The following MRRF variants were observed in gnomAD, a reference collection of about 807,000 sequenced individuals.
The protein encoded by MRRF is mitochondrial ribosome recycling factor, also known as ribosome-recycling factor, mitochondrial.
A neutral mutation model predicts 25.1 loss-of-function variants in MRRF; 18 were observed. The ratio of observed to expected loss-of-function variants is 0.72; its 90% CI spans 0.50 to 1.06. The LOEUF (loss-of-function observed/expected upper bound fraction) is 1.06, where lower values mean the gene tolerates loss of function less well. MRRF is among the 50% of genes least tolerant of loss of function. The probability of loss-of-function intolerance (pLI) is 0.00; values close to 1 mark genes in which losing one functional copy is unlikely to be tolerated. For synonymous variants in MRRF, 113 were observed against 112.1 expected, an observed-to-expected ratio of 1.01 and a Z score of -0.05; for missense variants, 323 against 319.3, an observed-to-expected ratio of 1.01 and a Z score of -0.09.
At position 122,331,078 on chromosome 9, in the gene MRRF, AG is replaced by A. The variant is rs1836271086; in HGVS notation, c.*8462del. 1 of 152,108 alleles carries A rather than the reference AG, an allele frequency of 6.6e-6. No individual in the cohort carries two copies. Among genetic ancestry groups the A allele is most frequent in the Non-Finnish European group, 1.5e-5 (1 of 68,030 alleles). 9.4% of individuals were successfully genotyped at this position (152,108 alleles called of 1,614,324 possible). ...AGTGAGAGCTTCTGGGTCCTGTCGCAGTTTTGCCCTTTCTTCCCTCAAAAAA... is the reference window on the plus strand; with the variant it reads ...AGTGAGAGCTTCTGGGTCCTGTCGCATTTTGCCCTTTCTTCCCTCAAAAAA... On this transcript the variant is annotated 3_prime_UTR_variant, in exon 7 of 7. Transcript: ENST00000344641.
chr9:122,319,147 CTTTTTTTTTTTTT>C (rs35949709), intron 6 of MRRF, among the ~76,000 whole-genome samples: 3 of 121,016 alleles, frequency 2.5e-5, no homozygotes, highest in Non-Finnish European at 5.3e-5. Context: ...TTCTTTCTTT[CTTTTTTTTTTTTT>C]TTTTTTTTGA....
At chr9:122,294,248 A>G (rs1258408387) in intron 5 of MRRF, among the ~76,000 whole-genome samples, 1 of 152,162 alleles carries the variant, frequency 6.6e-6, no homozygotes, top group Non-Finnish European at 1.5e-5. Flanking sequence ...GCTGATTTGG[A>G]TTCTTCTTAG....
intron 4 of MRRF, among the ~76,000 whole-genome samples, chr9:122,288,247 T>A (rs1833534464): frequency 2.0e-5 from 3 of 149,082 alleles, no homozygotes; most frequent in African/African-American, 4.9e-5. Flanking sequence ...TGAAAAAAAA[T>A]AAAAATAAAA....
At chr9:122,321,859 G>T (rs1424508295) in intron 6 of MRRF, among the ~76,000 whole-genome samples, 1 of 151,924 alleles carries the variant, frequency 6.6e-6, no homozygotes, top group East Asian at 1.9e-4. Context: ...GCTCATTAAG[G>T]AACAGATAAG....
At chr9:122,276,880 G>GT (rs551498344) in intron 2 of MRRF, among the ~76,000 whole-genome samples, 71 of 151,908 alleles carry the variant, frequency 4.7e-4, no homozygotes, top group Non-Finnish European at 9.4e-4. Flanking sequence ...CTTTTTTGTT[G>GT]TTTTTTGAGA....
chr9:122,315,583 C>A (rs932644410), intron 6 of MRRF, among the ~76,000 whole-genome samples: 8 of 152,288 alleles, frequency 5.3e-5, no homozygotes, highest in African/African-American at 1.9e-4. Context: ...TCTCTCTGCC[C>A]TCCTCCTTCC....
rs564465519 is a variant in MRRF, at chr9:122,315,088, G to A, written c.711+1702G>A. 5.9e-5 allele frequency among the ~76,000 whole-genome samples: 9 copies of A among 152,168 alleles called. No individual in the cohort carries two copies. In the South Asian group the frequency reaches 1.2e-3, roughly 21 times the overall value. On this transcript the variant is annotated intron_variant, in intron 6 of 6. Transcript: ENST00000344641. ...TAGGACAGCCACAACAGTCACCTGG[G>A]GGGGGGAATTTTAGGTGGCTTCCTG...
At chr9:122,298,026 T>A (rs1176363172) in intron 5 of MRRF, among the ~76,000 whole-genome samples, 7 of 152,176 alleles carry the variant, frequency 4.6e-5, no homozygotes, top group Non-Finnish European at 1.0e-4. Flanking sequence ...CTGTTCCCTA[T>A]TTTTTATACA....
chr9:122,290,019 C>T (rs1833657810), intron 4 of MRRF, among the ~76,000 whole-genome samples: 1 of 150,894 alleles, frequency 6.6e-6, no homozygotes. Context: ...ATGCCACTGC[C>T]CTCAAGCCTG....
chr9:122,298,510 C>G (rs1469336695), intron 5 of MRRF, among the ~76,000 whole-genome samples: 1 of 152,120 alleles, frequency 6.6e-6, no homozygotes, highest in Non-Finnish European at 1.5e-5. Context: ...GTTCAGTCAC[C>G]CCAAAAAGTT....
At chr9:122,292,201 G>A (rs552276213) in intron 5 of MRRF, among the ~76,000 whole-genome samples, 1 of 152,292 alleles carries the variant, frequency 6.6e-6, no homozygotes, top group Admixed American at 6.5e-5. Flanking sequence ...GGTGGCAGGG[G>A]CACCTGTAGC....
intron 6 of MRRF, among the ~76,000 whole-genome samples, chr9:122,322,189 T>C (rs1174507585): frequency 6.6e-6 from 1 of 151,902 alleles, no homozygotes; most frequent in Non-Finnish European, 1.5e-5. Context: ...TGAAACCCCA[T>C]CTCTACTAAA....
At chr9:122,302,530 CAGT>C (rs750663311) in intron 5 of MRRF, among the ~76,000 whole-genome samples, 1 of 152,182 alleles carries the variant, frequency 6.6e-6, no homozygotes, top group Non-Finnish European at 1.5e-5. Context: ...TAGCACGTGT[CAGT>C]ACTTCATTCT....
In MRRF at chr9:122,323,023, G is replaced by A; in HGVS notation, c.*406G>A. 1 of 246,070 alleles carries A rather than the reference G, an allele frequency of 4.1e-6. No individual in the cohort carries two copies. The highest frequency in any genetic ancestry group is 8.1e-6 in the Non-Finnish European group (1 of 123,902). 15.2% of individuals were successfully genotyped at this position (246,070 alleles called of 1,614,324 possible). On this transcript the variant is annotated 3_prime_UTR_variant, in exon 7 of 7. Coordinates refer to ENST00000344641, the MANE Select transcript of MRRF (RefSeq NM_138777.5). The stretch of plus-strand genomic sequence containing the variant: ...ACCTGTGACTGGACACTTTACTAGA[G>A]GCCCATTTTCACTAAACAATAAAAT...
intron 6 of MRRF, among the ~76,000 whole-genome samples, 196 bp downstream of exon 6, chr9:122,313,582 T>C (rs1588081958): frequency 6.6e-6 from 1 of 152,228 alleles, no homozygotes; most frequent in African/African-American, 2.4e-5. Context: ...GACACTTGTA[T>C]TGTGTACCAG....
chr9:122,282,288 G>T (rs1390525170), intron 3 of MRRF, among the ~76,000 whole-genome samples: 1 of 152,124 alleles, frequency 6.6e-6, no homozygotes, highest in Non-Finnish European at 1.5e-5. Context: ...CTAGATACAG[G>T]TTTATTTGTT....
chr9:122,307,888 T>G (rs1266715709), intron 5 of MRRF, among the ~76,000 whole-genome samples: 1 of 152,236 alleles, frequency 6.6e-6, no homozygotes, highest in Non-Finnish European at 1.5e-5. Flanking sequence ...TTACCTGAGC[T>G]GAGCCTGGCT....
intron 3 of MRRF, among the ~76,000 whole-genome samples, chr9:122,282,272 A>C (rs569438530): frequency 6.6e-6 from 1 of 152,250 alleles, no homozygotes; most frequent in African/African-American, 2.4e-5. Context: ...ACCTTTTAAC[A>C]GTTGTCTAGA....
chr9:122,276,101 A>G (rs1182607546), intron 2 of MRRF, among the ~76,000 whole-genome samples: 1 of 150,158 alleles, frequency 6.7e-6, no homozygotes, highest in Non-Finnish European at 1.5e-5. Flanking sequence ...TTTAGTAGAG[A>G]TGGGATTTCG....
Sources: allele counts gnomAD v4.1 joint callset (sites outside exome capture counted in the v4.1 genomes callset), GRCh38; gene constraint gnomAD v4.1.1; transcripts MANE v1.5; gene names NCBI Gene and HGNC (gene_info 2026-07-23, HGNC 2026-07-21).